STEAP3: variants seen among roughly 807,000 people sequenced by gnomAD.
STEAP3 encodes the protein metalloreductase STEAP3.
STEAP3 carries 35 observed loss-of-function variants against 34.9 expected under a neutral mutation model. The observed-to-expected ratio is 1.00, with a 90% CI of 0.76 to 1.33. The LOEUF (loss-of-function observed/expected upper bound fraction) is 1.33. Ranked by LOEUF, STEAP3 falls within the 40% of genes most tolerant of loss-of-function variation. The pLI is 0.00. For missense variants in STEAP3, 652 were observed against 667.6 expected (o/e 0.98, Z 0.26); for synonymous variants, 281 against 301.6 (o/e 0.93, Z 0.71).
chr2:119,248,054 C>G lies in STEAP3; in HGVS notation c.898C>G (p.Arg300Gly). 1 of 1,608,804 alleles carries G rather than the reference C, an allele frequency of 6.2e-7. No individual in the cohort carries two copies. The highest frequency in any genetic ancestry group is 8.5e-7 in the Non-Finnish European group (1 of 1,179,902). The change falls in exon 4 of 6, where the codon CGC becomes GGC. Residue 300 changes from arginine to glycine, a missense_variant. Transcript: ENST00000393110. ...GCTGCGGCGCGGCACCAAGTACCAG[C>G]GCTTCCCCGACTGGCTGGACCACTG... ...LQLRRGTKYQ[R>G]FPDWLDHWLQ... is the part of the protein sequence containing the mutation.
At chr2:119,241,169 T>C (rs1677236754) in intron 2 of STEAP3, among the ~76,000 whole-genome samples, 1 of 152,040 alleles carries the variant, frequency 6.6e-6, no homozygotes, top group African/African-American at 2.4e-5. Context: ...CATTTCATCC[T>C]CAAACAGTCT....
Position 119,247,690 on chromosome 2 carries a change from C to A in STEAP3, c.534C>A (p.Cys178Ter). 1 of 1,537,518 alleles carries A rather than the reference C, an allele frequency of 6.5e-7. No homozygotes were observed. The highest frequency in any genetic ancestry group is 8.7e-7 in the Non-Finnish European group (1 of 1,146,124). ...PRDGNRQVPICGDQPEAKRAV... is the reference protein window; with the variant it reads ...PRDGNRQVPI Reference sequence around the variant, plus strand: ...CTTTTCTCCCGCAGGTGCCCATCTGCGGTGACCAGCCAGAAGCCAAGCGTG... The same window carrying A: ...CTTTTCTCCCGCAGGTGCCCATCTGAGGTGACCAGCCAGAAGCCAAGCGTG... Residue 178 changes from cysteine (C) to a stop codon, truncating the protein, a stop_gained, in exon 4 of 6, where the codon TGC (cysteine) becomes TGA (stop). Coordinates refer to ENST00000393110, the MANE Select transcript of STEAP3 (RefSeq NM_182915.3). LOFTEE classifies it high-confidence loss of function.
At position 119,247,597 on chromosome 2, in the gene STEAP3, C is replaced by T. The variant is rs146773481; in HGVS notation, c.523-82C>T. 1.2e-3 allele frequency: 1,752 copies of T among 1,430,024 alleles called. 16 individuals carry two copies. In the African/African-American group the frequency reaches 0.02, roughly 16 times the overall value. The allele number at this position is 1,430,024 out of a possible 1,614,324, so 88.6% of individuals were successfully genotyped here. A position where few individuals can be genotyped will look rare whatever the true frequency, so the allele number is the denominator to read the frequency against. ...AACAAGTCCCTGCCCCTCTGGCCCTCGGTTTCCTCAGCTGCTCAGTGAGGC... is the reference window on the plus strand; with the variant it reads ...AACAAGTCCCTGCCCCTCTGGCCCTTGGTTTCCTCAGCTGCTCAGTGAGGC... On this transcript the variant is annotated intron_variant, in intron 3 of 5. Transcript: ENST00000393110.
intron 1 of STEAP3, among the ~76,000 whole-genome samples, chr2:119,229,528 AATC>A (rs1392511373): frequency 2.6e-5 from 4 of 152,290 alleles, no homozygotes; most frequent in Non-Finnish European, 5.9e-5. Flanking sequence ...TTCACTGTTT[AATC>A]ATCAGGACAG....
At chr2:119,254,975 T>C (rs1573575555) in intron 5 of STEAP3, 127 bp downstream of exon 5, 2 of 1,227,458 alleles carry the variant, frequency 1.6e-6, no homozygotes, top group East Asian at 2.6e-5. Context: ...CTCGGTGAGA[T>C]GCCAGGCCTT....
In STEAP3 at chr2:119,245,697, G is replaced by A; in HGVS notation, c.231G>A (p.Leu77=). The part of the protein sequence containing the change: ...GSRNPKRTAR[L]FPSAAQVTFQ... ...GCAACCCCAAACGCACAGCCAGGCT[G>A]TTTCCCTCAGCGGCCCAAGTGACTT... Residue 77 remains leucine, a synonymous_variant, in exon 3 of 6, where the codon CTG becomes CTA. Transcript: ENST00000393110. 1.9e-6 allele frequency: 3 copies of A among 1,614,180 alleles called. No homozygotes were observed. The highest frequency in any genetic ancestry group is 2.5e-6 in the Non-Finnish European group (3 of 1,180,022).
chr2:119,252,336 C>A (rs553255037), intron 4 of STEAP3, among the ~76,000 whole-genome samples: 10 of 152,350 alleles, frequency 6.6e-5, no homozygotes, highest in South Asian at 4.1e-4. Flanking sequence ...CGTCAGAATC[C>A]AGGCCTATGG....
At chr2:119,225,023 G>A (rs552847802) in intron 1 of STEAP3, among the ~76,000 whole-genome samples, 283 of 152,336 alleles carry the variant, frequency 1.9e-3, no homozygotes, top group African/African-American at 3.2e-3. Flanking sequence ...GAAACAGGCT[G>A]TGTCCTCACG....
chr2:119,247,873 C>G lies in STEAP3; in HGVS notation c.717C>G (p.Tyr239Ter). The change falls in exon 4 of 6, where the codon TAC becomes TAG. Residue 239 changes from tyrosine (Y) to a stop codon, truncating the protein, a stop_gained. Coordinates refer to ENST00000393110, the MANE Select transcript of STEAP3 (RefSeq NM_182915.3). LOFTEE classifies it high-confidence loss of function. ...ALGLFVCFYAYNFVRDVLQPY... is the reference protein window; with the variant it reads ...ALGLFVCFYA ...GGCTCTTCGTCTGCTTCTATGCCTACAACTTCGTCCGGGACGTTCTGCAGC... is the reference window on the plus strand; with the variant it reads ...GGCTCTTCGTCTGCTTCTATGCCTAGAACTTCGTCCGGGACGTTCTGCAGC... 6.2e-7 allele frequency: 1 copy of G among 1,613,890 alleles called. No individual in the cohort carries two copies. The highest frequency in any genetic ancestry group is 2.2e-5 in the East Asian group (1 of 44,874).
intron 2 of STEAP3, among the ~76,000 whole-genome samples, chr2:119,234,473 G>T (rs1488693392): frequency 6.6e-6 from 1 of 152,194 alleles, no homozygotes; most frequent in Non-Finnish European, 1.5e-5. Context: ...GCAAACTAAA[G>T]CCCTCCTCCC....
chr2:119,228,480 G>C (rs1268510330), intron 1 of STEAP3, among the ~76,000 whole-genome samples: 1 of 152,232 alleles, frequency 6.6e-6, no homozygotes, highest in Non-Finnish European at 1.5e-5. Context: ...AAAGGCCAGA[G>C]CAGCTGCGGG....
chr2:119,233,206 A>G (rs1311535271), intron 2 of STEAP3, among the ~76,000 whole-genome samples: 1 of 152,190 alleles, frequency 6.6e-6, no homozygotes, highest in Non-Finnish European at 1.5e-5. Context: ...CCCTGAAGCC[A>G]TTGACTCAGC....
intron 5 of STEAP3, among the ~76,000 whole-genome samples, chr2:119,261,736 C>T (rs1372921742): frequency 1.3e-5 from 2 of 152,220 alleles, no homozygotes; most frequent in East Asian, 1.9e-4. Context: ...TCGTGGTCCA[C>T]GAGAACTCGT....
rs1405591974 is a variant in STEAP3, at chr2:119,247,783, G to A, written c.627G>A (p.Trp209Ter). ...ACATGGGATCCCTGGCGTCAGCCTG[G>A]GAGGTGGAGGCCATGCCCCTGCGCC... The part of the protein sequence containing the change: ...PVDMGSLASA[W>*]EVEAMPLRLL... The change falls in exon 4 of 6, where the codon TGG (tryptophan) becomes TGA (stop). Residue 209 changes from tryptophan (W) to a stop codon, truncating the protein, a stop_gained. Coordinates refer to ENST00000393110, the MANE Select transcript of STEAP3 (RefSeq NM_182915.3). LOFTEE classifies it high-confidence loss of function. The A allele has an allele frequency of 6.2e-6, 10 of 1,609,228 alleles. No homozygotes were observed. Among genetic ancestry groups the A allele is most frequent in the Non-Finnish European group, 8.5e-6 (10 of 1,179,240 alleles).
chr2:119,253,709 A>G (rs1677691497), intron 4 of STEAP3, among the ~76,000 whole-genome samples: 1 of 152,172 alleles, frequency 6.6e-6, no homozygotes, highest in African/African-American at 2.4e-5. Flanking sequence ...TGAGGGCACT[A>G]TGCGAGTGAG....
chr2:119,247,611 G>T (rs1677469545), intron 3 of STEAP3, 68 bp from the exon 4 acceptor site: 2 of 1,462,042 alleles, frequency 1.4e-6, no homozygotes, highest in Non-Finnish European at 1.8e-6. Context: ...TTCCTCAGCT[G>T]CTCAGTGAGG....
intron 2 of STEAP3, among the ~76,000 whole-genome samples, chr2:119,238,875 T>C (rs1440938160): frequency 6.6e-6 from 1 of 152,170 alleles, no homozygotes; most frequent in East Asian, 1.9e-4. Flanking sequence ...GGCAGAGAGA[T>C]GCACAGAACC....
chr2:119,226,856 C>A (rs1447069608), intron 1 of STEAP3, among the ~76,000 whole-genome samples: 1 of 152,178 alleles, frequency 6.6e-6, no homozygotes, highest in East Asian at 1.9e-4. Context: ...CCTGGAGACT[C>A]TTAGGAGGTC....
At chr2:119,262,918 G>A in intron 5 of STEAP3, 139 bp from the exon 6 acceptor site, 1 of 1,092,430 alleles carries the variant, frequency 9.2e-7, no homozygotes, top group Non-Finnish European at 1.3e-6. Flanking sequence ...GAGAGTGACA[G>A]GACTGGGGTT....
Sources: allele counts gnomAD v4.1 joint callset (sites outside exome capture counted in the v4.1 genomes callset), GRCh38; gene constraint gnomAD v4.1.1; transcripts MANE v1.5; gene names NCBI Gene and HGNC (gene_info 2026-07-23, HGNC 2026-07-21).